The following HNF4G variants were observed in gnomAD, a reference collection of about 807,000 sequenced individuals.
The protein encoded by HNF4G is hepatocyte nuclear factor 4-gamma.
HNF4G carries 21 observed loss-of-function variants against 50.9 expected under a neutral mutation model. That is an observed-to-expected ratio of 0.41 (90% CI 0.29 to 0.59). HNF4G has a LOEUF of 0.59. Ranked by LOEUF, HNF4G falls within the 20% of genes least tolerant of loss-of-function variation. HNF4G has a pLI of 0.26. For missense variants in HNF4G, 527 were observed against 559.4 expected, an observed-to-expected ratio of 0.94 and a Z score of 0.58; for synonymous variants, 198 against 185.6, an observed-to-expected ratio of 1.07 and a Z score of -0.54.
intron 1 of HNF4G, among the ~76,000 whole-genome samples, chr8:75,457,492 T>C (rs1449114608): frequency 6.6e-6 from 1 of 152,172 alleles, no homozygotes; most frequent in Admixed American, 6.6e-5. Context: ...GTGTCCAGGA[T>C]GAGACAGCAA....
chr8:75,460,187 A>G (rs1811812231), intron 1 of HNF4G, among the ~76,000 whole-genome samples: 3 of 152,110 alleles, frequency 2.0e-5, no homozygotes, highest in Admixed American at 6.5e-5. Context: ...ATTGTTTCCT[A>G]CAGGCCTGAT....
intron 2 of HNF4G, 64 bp downstream of exon 2, chr8:75,544,043 T>A: frequency 1.4e-6 from 2 of 1,409,522 alleles, no homozygotes; most frequent in Non-Finnish European, 1.9e-6. Context: ...ACGCAAAAAG[T>A]AAGAGAAGAA....
intron 1 of HNF4G, among the ~76,000 whole-genome samples, chr8:75,457,188 G>C (rs1811743653): frequency 6.6e-6 from 1 of 152,158 alleles, no homozygotes; most frequent in African/African-American, 2.4e-5. Context: ...TATAGCTGTA[G>C]ACTTTAATCC....
intron 9 of HNF4G, 24 bp downstream of exon 9, chr8:75,560,490 A>G (rs567716561): frequency 6.3e-7 from 1 of 1,592,910 alleles, no homozygotes; most frequent in African/African-American, 1.4e-5. Flanking sequence ...CTACTTTTCA[A>G]CCAAGATATT....
rs897339233 is a variant in HNF4G, at chr8:75,446,722, A to C, written c.-144+38560A>C. On this transcript the variant is annotated intron_variant, in intron 1 of 10. Transcript: ENST00000354370. Reference sequence around the variant, plus strand: ...TAAAATACCTAGGAATCCAACTTACAAGGGATCTGAAGGACCTCTTCAAGG... The same window carrying C: ...TAAAATACCTAGGAATCCAACTTACCAGGGATCTGAAGGACCTCTTCAAGG... Among the ~76,000 whole-genome samples, 6 of 98,950 alleles carry C rather than the reference A, an allele frequency of 6.1e-5. 1 individual carries two copies. The highest frequency in any genetic ancestry group is 3.2e-4 in the African/African-American group (6 of 18,974). 64.9% of individuals were successfully genotyped at this position (98,950 alleles called of 152,430 possible).
At chr8:75,453,651 A>C (rs1477425538) in intron 1 of HNF4G, among the ~76,000 whole-genome samples, 1 of 152,108 alleles carries the variant, frequency 6.6e-6, no homozygotes, top group African/African-American at 2.4e-5. Flanking sequence ...CACTCACTGC[A>C]AAGGTCTGCA....
chr8:75,436,684 A>G (rs1811149728), intron 1 of HNF4G, among the ~76,000 whole-genome samples: 2 of 152,220 alleles, frequency 1.3e-5, no homozygotes, highest in Admixed American at 6.5e-5. Context: ...ATTACTTTTC[A>G]TGAAATAATT....
intron 1 of HNF4G, among the ~76,000 whole-genome samples, chr8:75,486,449 CTG>C (rs1371253470): frequency 1.3e-5 from 2 of 152,094 alleles, no homozygotes; most frequent in African/African-American, 4.8e-5. Context: ...CATGTTGAAT[CTG>C]TGTTATGTAC....
At chr8:75,430,557 C>G (rs1271894214) in intron 1 of HNF4G, among the ~76,000 whole-genome samples, 2 of 150,316 alleles carry the variant, frequency 1.3e-5, no homozygotes, top group Non-Finnish European at 2.9e-5. Context: ...ATATTTGGTT[C>G]TGGGTGTAGT....
At chr8:75,480,730 T>C (rs1269378034) in intron 1 of HNF4G, among the ~76,000 whole-genome samples, 2 of 150,086 alleles carry the variant, frequency 1.3e-5, no homozygotes, top group African/African-American at 2.4e-5. Flanking sequence ...TCTTTTTTTT[T>C]TTTTTTGAGA....
chr8:75,480,736 T>TC (rs1812357862), intron 1 of HNF4G, among the ~76,000 whole-genome samples: 1 of 148,864 alleles, frequency 6.7e-6, no homozygotes, highest in Non-Finnish European at 1.5e-5. Flanking sequence ...TTTTTTTTTT[T>TC]GAGACAGAAT....
chr8:75,463,062 T>G (rs1007172475), intron 1 of HNF4G, among the ~76,000 whole-genome samples: 7 of 146,946 alleles, frequency 4.8e-5, no homozygotes, highest in African/African-American at 1.6e-4. Flanking sequence ...CTGCTTGTTT[T>G]TTTGTTTTTT....
upstream of HNF4G, among the ~76,000 whole-genome samples, chr8:75,537,117 C>A (rs1373832702): frequency 3.9e-5 from 6 of 152,098 alleles, no homozygotes; most frequent in Admixed American, 3.9e-4. Flanking sequence ...ATGCACTTAT[C>A]AAGAGTCATT....
At chr8:75,435,854 A>G (rs890310308) in intron 1 of HNF4G, among the ~76,000 whole-genome samples, 19 of 152,176 alleles carry the variant, frequency 1.2e-4, no homozygotes, top group Non-Finnish European at 7.4e-5. Flanking sequence ...TTGGTCTCCC[A>G]AAGTGTTGGA....
chr8:75,506,274 A>G (rs905737087), intron 2 of HNF4G, among the ~76,000 whole-genome samples: 3 of 152,120 alleles, frequency 2.0e-5, no homozygotes, highest in African/African-American at 7.2e-5. Context: ...AATTTTATAA[A>G]AATAAAGTTC....
chr8:75,445,711 T>C (rs1427551349), intron 1 of HNF4G, among the ~76,000 whole-genome samples: 5 of 136,028 alleles, frequency 3.7e-5, no homozygotes, highest in Non-Finnish European at 7.7e-5. Context: ...ACACATACAC[T>C]CTCCCAAGAC....
At chr8:75,444,217 C>A (rs1488826341) in intron 1 of HNF4G, among the ~76,000 whole-genome samples, 2 of 151,710 alleles carry the variant, frequency 1.3e-5, no homozygotes, top group Admixed American at 6.6e-5. Context: ...CCTTTACAGA[C>A]AAGCAAATGC....
chr8:75,473,255 C>A (rs1437748390), intron 1 of HNF4G, among the ~76,000 whole-genome samples: 1 of 151,818 alleles, frequency 6.6e-6, no homozygotes, highest in Non-Finnish European at 1.5e-5. Context: ...CGAGATCGCC[C>A]CACTGCACTC....
At chr8:75,411,783 A>G (rs1437819648) in intron 1 of HNF4G, among the ~76,000 whole-genome samples, 1 of 152,200 alleles carries the variant, frequency 6.6e-6, no homozygotes, top group Non-Finnish European at 1.5e-5. Context: ...GTTATTCACT[A>G]AATGGGAAGG....
Sources: gnomAD v4.1 joint callset for allele counts (sites outside exome capture counted in the v4.1 genomes callset) on GRCh38, gnomAD v4.1.1 for gene constraint, MANE v1.5 for transcripts, NCBI Gene and HGNC (gene_info 2026-07-23, HGNC 2026-07-21) for gene names.